Variants in WDR59 observed in about 807,000 individuals in gnomAD.
The protein encoded by WDR59 is WD repeat domain 59.
In WDR59, 100 loss-of-function variants were observed where a neutral mutation model predicts 131.2. That is an observed-to-expected ratio of 0.76 (90% CI 0.65 to 0.90). The LOEUF is 0.90. Among genes scored for constraint, WDR59 ranks in the 40% least tolerant of loss-of-function variants. The pLI, the probability that WDR59 is intolerant of heterozygous loss-of-function variation, is 0.00. For missense variants in WDR59, 1,203 were observed against 1,262.2 expected (o/e 0.95, Z 0.71); for synonymous variants, 601 against 466.2 (o/e 1.29, Z -3.72).
intron 13 of WDR59, among the ~76,000 whole-genome samples, chr16:74,914,033 C>A (rs1475408205): frequency 6.6e-6 from 1 of 152,174 alleles, no homozygotes; most frequent in Non-Finnish European, 1.5e-5. Context: ...ATGGCAAAAA[C>A]CCCATCTCTA....
At chr16:74,935,319 T>A (rs1452599089) in intron 8 of WDR59, among the ~76,000 whole-genome samples, 1 of 152,146 alleles carries the variant, frequency 6.6e-6, no homozygotes, top group Non-Finnish European at 1.5e-5. Flanking sequence ...TAGGCTGCTG[T>A]TAACCCAAGA....
chr16:74,895,812 G>A (rs1597660014), intron 18 of WDR59, among the ~76,000 whole-genome samples: 1 of 152,184 alleles, frequency 6.6e-6, no homozygotes, highest in African/African-American at 2.4e-5. Context: ...GAATGGGCTG[G>A]AGCCAGGCAG....
chr16:74,924,039 A>G (rs776635809), intron 8 of WDR59, 36 bp from the exon 9 acceptor site: 1 of 1,599,746 alleles, frequency 6.3e-7, no homozygotes. Flanking sequence ...TGTGAAATAA[A>G]TGCCATTAAA....
At chr16:74,935,819 A>C (rs894954683) in intron 8 of WDR59, among the ~76,000 whole-genome samples, 3 of 152,190 alleles carry the variant, frequency 2.0e-5, no homozygotes, top group South Asian at 2.1e-4. Context: ...CAACATGGTG[A>C]AACCCCATCT....
intron 13 of WDR59, among the ~76,000 whole-genome samples, chr16:74,914,116 G>A (rs1966243726): frequency 1.3e-5 from 2 of 152,272 alleles, no homozygotes; most frequent in South Asian, 2.1e-4. Context: ...GGAAGCTGAG[G>A]CAGGAGAATC....
intron 2 of WDR59, among the ~76,000 whole-genome samples, chr16:74,964,492 G>A (rs1215690688): frequency 2.0e-5 from 3 of 152,102 alleles, no homozygotes; most frequent in African/African-American, 7.2e-5. Context: ...CTCCAGGGAG[G>A]TGGTCAGAGG....
chr16:74,917,356 C>A (rs1966441133), intron 11 of WDR59, among the ~76,000 whole-genome samples: 1 of 152,194 alleles, frequency 6.6e-6, no homozygotes, highest in African/African-American at 2.4e-5. Context: ...GGCACATACT[C>A]AGGGAGCTAC....
chr16:74,965,339 C>T (rs1034165007), intron 2 of WDR59, among the ~76,000 whole-genome samples: 2 of 152,148 alleles, frequency 1.3e-5, no homozygotes, highest in South Asian at 4.1e-4. Context: ...AAATCAAATT[C>T]CTTCATGAGA....
In WDR59 at chr16:74,888,360, G is replaced by A. The variant is rs772336193; in HGVS notation, c.2196-41C>T. The A allele has an allele frequency of 3.8e-6, 6 of 1,588,272 alleles. No individual in the cohort carries two copies. In the African/African-American group the frequency reaches 8.1e-5, roughly 21 times the overall value. On this transcript the variant is annotated intron_variant, in intron 21 of 25. Transcript: ENST00000262144. ...GAGGAAAGAAAACAAGTCAGGAGGAGGGATTGAGGAGGAAAGCGGTCACAG... is the reference window on the plus strand; with the variant it reads ...GAGGAAAGAAAACAAGTCAGGAGGAAGGATTGAGGAGGAAAGCGGTCACAG...
At chr16:74,956,733 T>C (rs937894847) in intron 2 of WDR59, 123 bp from the exon 3 acceptor site, 4 of 1,213,522 alleles carry the variant, frequency 3.3e-6, no homozygotes, top group Admixed American at 2.3e-5. Flanking sequence ...CAAACACACA[T>C]GGCATTTATT....
chr16:74,973,151 G>A (rs1479529839), intron 1 of WDR59, among the ~76,000 whole-genome samples: 4 of 152,086 alleles, frequency 2.6e-5, no homozygotes, highest in Non-Finnish European at 5.9e-5. Flanking sequence ...TAAGGCAGGA[G>A]AATCGCTTGA....
chr16:74,927,834 A>G (rs1368462642), intron 8 of WDR59, among the ~76,000 whole-genome samples: 1 of 151,846 alleles, frequency 6.6e-6, no homozygotes. Flanking sequence ...TGTGTATTTA[A>G]AGAACCAGAT....
chr16:74,958,021 C>G (rs2156277), intron 2 of WDR59, among the ~76,000 whole-genome samples: 1 of 152,032 alleles, frequency 6.6e-6, no homozygotes, highest in South Asian at 2.1e-4. Context: ...CGATGGCCAG[C>G]TGGCATCGTC....
chr16:74,969,910 C>T (rs906528024), intron 1 of WDR59, among the ~76,000 whole-genome samples: 4 of 151,886 alleles, frequency 2.6e-5, no homozygotes, highest in African/African-American at 9.7e-5. Flanking sequence ...CCTCAGCCTG[C>T]TAATTTTTGT....
rs1964011092 is a variant in WDR59 at position 74,871,419 on chromosome 16, C to T, written c.*2790G>A. Reference sequence around the variant, plus strand: ...AGAGAATATCGGCCATGGCCCGCAACCAGACAACCAACCTGTTTCCAAACA... The same window carrying T: ...AGAGAATATCGGCCATGGCCCGCAATCAGACAACCAACCTGTTTCCAAACA... On this transcript the variant is annotated 3_prime_UTR_variant, in exon 26 of 26. Transcript: ENST00000262144. 1 of 152,180 alleles carries T rather than the reference C, an allele frequency of 6.6e-6. No homozygotes were observed. Among genetic ancestry groups the T allele is most frequent in the African/African-American group, 2.4e-5 (1 of 41,436 alleles). The allele number at this position is 152,180 out of a possible 1,614,324, so 9.4% of individuals were successfully genotyped here.
At chr16:74,935,016 G>A (rs2031689452) in intron 8 of WDR59, among the ~76,000 whole-genome samples, 1 of 151,998 alleles carries the variant, frequency 6.6e-6, no homozygotes, top group Non-Finnish European at 1.5e-5. Context: ...AATGCTTGAG[G>A]TCAGGAGTTT....
At chr16:74,968,708 G>C (rs957147869) in intron 1 of WDR59, among the ~76,000 whole-genome samples, 5 of 152,040 alleles carry the variant, frequency 3.3e-5, no homozygotes, top group African/African-American at 1.2e-4. Flanking sequence ...CTGGGCGACA[G>C]AGCAAGACTC....
chr16:74,948,811 AC>A (rs1455666465), intron 5 of WDR59, among the ~76,000 whole-genome samples: 8 of 151,778 alleles, frequency 5.3e-5, no homozygotes, highest in African/African-American at 1.9e-4. Flanking sequence ...GACCAGCCTG[AC>A]CAACATGATG....
Position 74,977,605 on chromosome 16 carries a change from G to A in WDR59, c.54+7359C>T, listed in dbSNP as rs374259651. On this transcript the variant is annotated intron_variant, in intron 1 of 25. Transcript: ENST00000262144. ...CGGGAAGCTAAGGCAGGAGAATGGC[G>A]TGAACCCGGGAGGCGGAGCTTGCAG... 9.2e-5 allele frequency among the ~76,000 whole-genome samples: 14 copies of A among 152,206 alleles called. No homozygotes were observed. The East Asian group carries it at 1.4e-3, about 15-fold the overall frequency.
Sources: gnomAD v4.1 joint callset for allele counts (sites outside exome capture counted in the v4.1 genomes callset) on GRCh38, gnomAD v4.1.1 for gene constraint, MANE v1.5 for transcripts, NCBI Gene and HGNC (gene_info 2026-07-23, HGNC 2026-07-21) for gene names.